TPO: variants seen among roughly 807,000 people sequenced by gnomAD.
TPO encodes thyroid microsomal antigen.
Under a neutral mutation model 96.9 loss-of-function variants are expected in TPO, and 78 were observed. That is an observed-to-expected ratio of 0.81 (90% CI 0.67 to 0.97). The LOEUF is 0.97. Ranked by LOEUF, TPO falls within the 50% of genes least tolerant of loss-of-function variation. The pLI, the probability that TPO is intolerant of heterozygous loss-of-function variation, is 0.00. For missense variants in TPO, 1,252 were observed against 1,274.8 expected, an observed-to-expected ratio of 0.98 and a Z score of 0.27; for synonymous variants, 547 against 538.0, an observed-to-expected ratio of 1.02 and a Z score of -0.23.
At chr2:1,378,030 A>C (rs1223936924) in intron 1 of TPO, among the ~76,000 whole-genome samples, 1 of 152,140 alleles carries the variant, frequency 6.6e-6, no homozygotes, top group Non-Finnish European at 1.5e-5. Flanking sequence ...ACAAGATCTG[A>C]TGGTTTTATC....
At chr2:1,420,905 G>T (rs1392310677) in intron 2 of TPO, among the ~76,000 whole-genome samples, 1 of 152,130 alleles carries the variant, frequency 6.6e-6, no homozygotes, top group Non-Finnish European at 1.5e-5. Flanking sequence ...AGCCACGGCT[G>T]GGCTTCTTGC....
At chr2:1,497,947 G>T (rs1455874638) in intron 13 of TPO, among the ~76,000 whole-genome samples, 1 of 145,342 alleles carries the variant, frequency 6.9e-6, no homozygotes, top group African/African-American at 2.6e-5. Flanking sequence ...TCTGAGGCCA[G>T]GAGTTCAAGA....
rs1351977994 is a variant in TPO, at chr2:1,405,366, C to T, written n.180+30964C>T. On this transcript the variant is annotated intron_variant and non_coding_transcript_variant, in intron 1 of 5. Transcript: ENST00000497517. ...TCATCCATCCACCCACTCGTTCATCCACCCATTCACCCATCCACCCCCTCA... is the reference window on the plus strand; with the variant it reads ...TCATCCATCCACCCACTCGTTCATCTACCCATTCACCCATCCACCCCCTCA... 5.3e-5 allele frequency among the ~76,000 whole-genome samples: 8 copies of T among 151,928 alleles called. 1 individual carries two copies. In the East Asian group the frequency reaches 1.6e-3, roughly 30 times the overall value.
At position 1,504,088 on chromosome 2, in the gene TPO, G is replaced by A. The variant is rs766701376; in HGVS notation, c.2518+9G>A. The A allele has an allele frequency of 1.5e-5, 24 of 1,613,966 alleles. No individual in the cohort carries two copies. Among genetic ancestry groups the A allele is most frequent in the Non-Finnish European group, 2.0e-5 (24 of 1,180,048 alleles). ...TGGGAGAACCTGCGTAGGTGAGGCT[G>A]TTCCCCTCTCTCTCTGTCCGTCCAT... On this transcript the variant is annotated intron_variant, in intron 14 of 16. Transcript: ENST00000329066.
intron 7 of TPO, among the ~76,000 whole-genome samples, chr2:1,470,170 T>C (rs1669261860): frequency 6.6e-6 from 1 of 152,242 alleles, no homozygotes; most frequent in African/African-American, 2.4e-5. Context: ...TTTTACATTA[T>C]TGGCTTTAAA....
chr2:1,519,336 C>A (rs1573516638), intron 15 of TPO, among the ~76,000 whole-genome samples: 1 of 152,214 alleles, frequency 6.6e-6, no homozygotes, highest in East Asian at 1.9e-4. Flanking sequence ...GATCCTTGAA[C>A]CCAAGACCTG....
At chr2:1,434,663 G>T (rs1261293660) in intron 4 of TPO, among the ~76,000 whole-genome samples, 2 of 152,114 alleles carry the variant, frequency 1.3e-5, no homozygotes, top group Admixed American at 1.3e-4. Flanking sequence ...CTCACTGCCG[G>T]GTCTGTAGAC....
At chr2:1,539,875 TGGGGGC>T (rs1244857110) in intron 15 of TPO, among the ~76,000 whole-genome samples, 1 of 48,238 alleles carries the variant, frequency 2.1e-5, no homozygotes, top group Non-Finnish European at 4.4e-5. Flanking sequence ...ATTTGGGGAA[TGGGGGC>T]GGGGGCAGGT....
intron 8 of TPO, among the ~76,000 whole-genome samples, chr2:1,483,511 C>A (rs188667424): frequency 6.6e-6 from 1 of 152,200 alleles, no homozygotes; most frequent in Non-Finnish European, 1.5e-5. Context: ...CCTTCTCACG[C>A]GGTTAGGAGG....
intron 5 of TPO, among the ~76,000 whole-genome samples, chr2:1,447,230 A>G (rs924397374): frequency 3.9e-5 from 6 of 152,238 alleles, no homozygotes; most frequent in African/African-American, 1.4e-4. Context: ...TTCTCTCAGA[A>G]GCCTGCTGCC....
rs576918599 is a variant in TPO at position 1,543,186 on chromosome 2, G to A, written c.*712G>A. 23 of 152,792 alleles carry A rather than the reference G, an allele frequency of 1.5e-4. No homozygotes were observed. Among genetic ancestry groups the A allele is most frequent in the Admixed American group, 5.9e-4 (9 of 15,364 alleles). The allele number at this position is 152,792 out of a possible 1,614,324, so 9.5% of individuals were successfully genotyped here. On this transcript the variant is annotated 3_prime_UTR_variant, in exon 17 of 17. Coordinates refer to ENST00000329066, the MANE Select transcript of TPO (RefSeq NM_001206744.2). Reference sequence around the variant, plus strand: ...CTCCCTGACTCAACAAGGCAGTCTCGGGGGCACCGTTAGCCACGCGACCCT... The same window carrying A: ...CTCCCTGACTCAACAAGGCAGTCTCAGGGGCACCGTTAGCCACGCGACCCT...
upstream of TPO, among the ~76,000 whole-genome samples, chr2:1,411,346 A>G (rs1199158620): frequency 6.6e-6 from 1 of 152,168 alleles, no homozygotes; most frequent in Non-Finnish European, 1.5e-5. Context: ...AACGACCTGG[A>G]GAGTTGATGT....
chr2:1,423,058 G>T lies in TPO; in HGVS notation c.108G>T (p.Glu36Asp), dbSNP rs1663941317. 1.2e-6 allele frequency: 2 copies of T among 1,614,090 alleles called. No homozygotes were observed. Among genetic ancestry groups the T allele is most frequent in the African/African-American group, 2.7e-5 (2 of 74,944 alleles). The change falls in exon 3 of 17, where the codon GAG becomes GAT. Residue 36 changes from glutamate (E) to aspartate (D), a missense_variant. Glu to Asp is a conservative substitution (Grantham distance 45). Coordinates refer to ENST00000329066, the MANE Select transcript of TPO (RefSeq NM_001206744.2). The stretch of plus-strand genomic sequence containing the variant: ...TCTGTTCCGTAGGAAAGCCTGAGGA[G>T]TCTCGTGTCTCTAGCGTCTTGGAGG... ...GKELLWGKPE[E>D]SRVSSVLEES... is the part of the protein sequence containing the mutation.
rs59812716 is a variant in TPO, at chr2:1,459,156, C to CT, written c.819+2887dup. On this transcript the variant is annotated intron_variant, in intron 7 of 16. Coordinates refer to ENST00000329066, the MANE Select transcript of TPO (RefSeq NM_001206744.2). ...CCTTGAAGTTAACAAGGGACATTTT[C>CT]TTTTTTTTTTTTTAAGACAGGGTCT... 3.2e-3 allele frequency among the ~76,000 whole-genome samples: 465 copies of CT among 147,492 alleles called. 6 individuals are homozygous for CT. Among genetic ancestry groups the CT allele is most frequent in the East Asian group, 0.03 (151 of 5,008 alleles).
In TPO at chr2:1,531,349, T is replaced by A. The variant is rs180831599; in HGVS notation, c.2619-9245T>A. Among the ~76,000 whole-genome samples, 107 of 85,674 alleles carry A rather than the reference T, an allele frequency of 1.2e-3. 4 individuals are homozygous for A. Among genetic ancestry groups the A allele is most frequent in the Middle Eastern group, 6.2e-3 (1 of 162 alleles). 56.2% of individuals were successfully genotyped at this position (85,674 alleles called of 152,430 possible). On this transcript the variant is annotated intron_variant, in intron 15 of 16. Coordinates refer to ENST00000329066, the MANE Select transcript of TPO (RefSeq NM_001206744.2). ...ACCTCCCCAAATCCCTCCCACTGTGTGCAGCCTCCCCAAATCCTCCCGACT... is the reference window on the plus strand; with the variant it reads ...ACCTCCCCAAATCCCTCCCACTGTGAGCAGCCTCCCCAAATCCTCCCGACT...
At chr2:1,382,052 C>T (rs144924225) in intron 1 of TPO, among the ~76,000 whole-genome samples, 216 of 152,186 alleles carry the variant, frequency 1.4e-3, no homozygotes, top group African/African-American at 5.1e-3. Flanking sequence ...GAAGAGATCA[C>T]CTGCAGTCTA....
intron 3 of TPO, among the ~76,000 whole-genome samples, chr2:1,426,231 C>T (rs553747027): frequency 2.1e-4 from 30 of 143,108 alleles, no homozygotes; most frequent in Non-Finnish European, 3.3e-4. Context: ...TTCTAGATGC[C>T]GGGATACAGA....
rs1178962577 is a variant in TPO at position 1,542,733 on chromosome 2, C to A, written c.*259C>A. The A allele has an allele frequency of 5.7e-6, 6 of 1,057,904 alleles. No individual in the cohort carries two copies. The East Asian group carries it at 1.4e-4, about 24-fold the overall frequency. 65.5% of individuals were successfully genotyped at this position (1,057,904 alleles called of 1,614,324 possible). A position where few individuals can be genotyped will look rare whatever the true frequency, so the allele number is the denominator to read the frequency against. On this transcript the variant is annotated 3_prime_UTR_variant, in exon 17 of 17. Transcript: ENST00000329066. ...TAAAATGTATTTACAGATTACACAT[C>A]TTTATTTTGTGAACCCTGGAAACAC...
rs747015368 is a variant in TPO at position 1,453,784 on chromosome 2, G to T, written c.573G>T (p.Trp191Cys). ...YEDGFSQPRG[W>C]NPGFLYNGFP... Reference sequence around the variant, plus strand: ...ACGGCTTCAGTCAGCCCCGAGGCTGGAACCCCGGCTTCTTGTACAACGGGT... The same window carrying T: ...ACGGCTTCAGTCAGCCCCGAGGCTGTAACCCCGGCTTCTTGTACAACGGGT... Residue 191 changes from tryptophan to cysteine, a missense_variant, in exon 6 of 17, where the codon TGG becomes TGT. Coordinates refer to ENST00000329066, the MANE Select transcript of TPO (RefSeq NM_001206744.2). The T allele has an allele frequency of 6.2e-7, 1 of 1,613,894 alleles. No homozygotes were observed.
Sources: allele counts gnomAD v4.1 joint callset (sites outside exome capture counted in the v4.1 genomes callset), GRCh38; gene constraint gnomAD v4.1.1; transcripts MANE v1.5; gene names NCBI Gene and HGNC (gene_info 2026-07-23, HGNC 2026-07-21).